Variants in NCKAP1 observed in about 807,000 individuals in gnomAD.
NCKAP1 encodes the protein NCK associated protein 1.
In NCKAP1, 21 loss-of-function variants were observed where a neutral mutation model predicts 151.2. That is an observed-to-expected ratio of 0.14 (90% CI 0.10 to 0.20). The LOEUF is 0.20. NCKAP1 is among the 10% of genes least tolerant of loss of function. The pLI is 1.00. For synonymous variants in NCKAP1, 484 were observed against 451.8 expected, an observed-to-expected ratio of 1.07 and a Z score of -0.90; for missense variants, 933 against 1,352.1, an observed-to-expected ratio of 0.69 and a Z score of 4.86.
chr2:182,931,350 C>T (rs1400728244), intron 26 of NCKAP1, among the ~76,000 whole-genome samples: 1 of 151,912 alleles, frequency 6.6e-6, no homozygotes, highest in African/African-American at 2.4e-5. Flanking sequence ...GCTCAATAAC[C>T]TCAGAAGAAA....
intron 16 of NCKAP1, among the ~76,000 whole-genome samples, chr2:182,966,232 T>G (rs1379769418): frequency 1.3e-5 from 2 of 151,974 alleles, no homozygotes; most frequent in African/African-American, 4.8e-5. Context: ...AAAATAGAGT[T>G]GATATTATAT....
rs1349939635 is a variant in NCKAP1 at position 182,909,199 on chromosome 2, C to T, written c.*16503G>A. On this transcript the variant is annotated 3_prime_UTR_variant, in exon 31 of 31. Transcript: ENST00000361354. ...TTGATCTGGAAATAGGTTCAATACA[C>T]ATTATATCAAATTTACCGTTTCAAC... 3 of 152,170 alleles carry T rather than the reference C, an allele frequency of 2.0e-5. No individual in the cohort carries two copies. The East Asian group carries it at 5.8e-4, about 29-fold the overall frequency. The allele number at this position is 152,170 out of a possible 1,614,324, so 9.4% of individuals were successfully genotyped here.
At chr2:183,004,667 T>C (rs1173779407) in intron 2 of NCKAP1, among the ~76,000 whole-genome samples, 1 of 151,996 alleles carries the variant, frequency 6.6e-6, no homozygotes, top group African/African-American at 2.4e-5. Context: ...GTGGATCACC[T>C]GAGGTCAGCA....
intron 24 of NCKAP1, among the ~76,000 whole-genome samples, chr2:182,936,861 T>C (rs556440978): frequency 2.6e-5 from 4 of 152,174 alleles, no homozygotes; most frequent in South Asian, 2.1e-4. Context: ...TAATTCAAGA[T>C]GAGACTAGGT....
chr2:182,988,712 T>A (rs1051154616), intron 9 of NCKAP1, among the ~76,000 whole-genome samples: 3 of 152,170 alleles, frequency 2.0e-5, no homozygotes. Context: ...ATTTTAAACC[T>A]CTAAAATGTA....
At position 182,935,207 on chromosome 2, in the gene NCKAP1, C is replaced by A. The variant is rs1194075415; in HGVS notation, c.2778+86G>T. ...GAATTTTAATTATATCATTGCTAAGCATGAATCTGAAACTTAACTTTAAAT... is the reference window on the plus strand; with the variant it reads ...GAATTTTAATTATATCATTGCTAAGAATGAATCTGAAACTTAACTTTAAAT... On this transcript the variant is annotated intron_variant, in intron 25 of 30. Coordinates refer to ENST00000361354, the MANE Select transcript of NCKAP1 (RefSeq NM_013436.5). 1.1e-5 allele frequency: 10 copies of A among 906,596 alleles called. No individual in the cohort carries two copies. In the Admixed American group the frequency reaches 2.7e-4, roughly 25 times the overall value. The allele number at this position is 906,596 out of a possible 1,614,324, so 56.2% of individuals were successfully genotyped here. A position where few individuals can be genotyped will look rare whatever the true frequency, so the allele number is the denominator to read the frequency against.
intron 17 of NCKAP1, among the ~76,000 whole-genome samples, 187 bp downstream of exon 17, chr2:182,964,489 T>G (rs1575034401): frequency 1.3e-5 from 2 of 152,192 alleles, no homozygotes; most frequent in South Asian, 4.1e-4. Flanking sequence ...CTTATTATAC[T>G]TATGTTTATT....
intron 2 of NCKAP1, among the ~76,000 whole-genome samples, chr2:183,015,196 T>C (rs1346569375): frequency 1.3e-5 from 2 of 152,076 alleles, no homozygotes; most frequent in Non-Finnish European, 2.9e-5. Context: ...AAACCACAGG[T>C]AATTATATAA....
intron 6 of NCKAP1, among the ~76,000 whole-genome samples, chr2:182,996,614 C>T (rs1349898725): frequency 6.6e-6 from 1 of 152,194 alleles, no homozygotes; most frequent in Non-Finnish European, 1.5e-5. Flanking sequence ...CCCGCCACCA[C>T]GCTCAGCTAA....
At position 183,037,954 on chromosome 2, in the gene NCKAP1, CGCCCGCCTCCGCCGCGGCCTCCCCG is replaced by C. The variant is rs1699137950; in HGVS notation, c.108+13_108+37del. 3 of 1,521,472 alleles carry C rather than the reference CGCCCGCCTCCGCCGCGGCCTCCCCG, an allele frequency of 2.0e-6. No individual in the cohort carries two copies. Among genetic ancestry groups the C allele is most frequent in the Non-Finnish European group, 2.6e-6 (3 of 1,132,146 alleles). The allele number at this position is 1,521,472 out of a possible 1,614,324, so 94.2% of individuals were successfully genotyped here. ...CCTTGCCCTTCATCCCTCCCGGGCC[CGCCCGCCTCCGCCGCGGCCTCCCCG>C]GCCCGTGCGCACCTTCTTGATGTTG... On this transcript the variant is annotated intron_variant, in intron 1 of 30. Transcript: ENST00000361354.
intron 24 of NCKAP1, among the ~76,000 whole-genome samples, chr2:182,936,958 T>C (rs977857621): frequency 2.6e-5 from 4 of 151,296 alleles, no homozygotes; most frequent in Admixed American, 6.6e-5. Flanking sequence ...CTACTAAACA[T>C]ACAAAAATTA....
intron 23 of NCKAP1, chr2:182,947,223 G>A (rs1697126103): frequency 6.6e-6 from 1 of 152,212 alleles, no homozygotes; most frequent in Admixed American, 6.5e-5. Flanking sequence ...GGATTGAGAT[G>A]CCTTAGATAA....
rs920237005 is a variant in NCKAP1 at position 182,919,581 on chromosome 2, T to C, written c.*6121A>G. ...CTTGGAGTGAAACTCATGTGTTTTATACATTGAATGCTATCAGTTCAAGGG... is the reference window on the plus strand; with the variant it reads ...CTTGGAGTGAAACTCATGTGTTTTACACATTGAATGCTATCAGTTCAAGGG... On this transcript the variant is annotated 3_prime_UTR_variant, in exon 31 of 31. Coordinates refer to ENST00000361354, the MANE Select transcript of NCKAP1 (RefSeq NM_013436.5). The C allele has an allele frequency of 6.6e-6, 1 of 152,116 alleles. No individual in the cohort carries two copies. Among genetic ancestry groups the C allele is most frequent in the Non-Finnish European group, 1.5e-5 (1 of 68,026 alleles). 9.4% of individuals were successfully genotyped at this position (152,116 alleles called of 1,614,324 possible).
At chr2:182,968,238 A>G (rs1697616076) in intron 15 of NCKAP1, among the ~76,000 whole-genome samples, 1 of 152,206 alleles carries the variant, frequency 6.6e-6, no homozygotes, top group East Asian at 1.9e-4. Context: ...CTGGGAAGGG[A>G]AAGGAAGCAG....
chr2:182,949,228 T>C (rs1391234929), intron 23 of NCKAP1, among the ~76,000 whole-genome samples: 4 of 152,148 alleles, frequency 2.6e-5, no homozygotes, highest in Non-Finnish European at 4.4e-5. Flanking sequence ...AAATGCAACA[T>C]GTGCTCCTTC....
At chr2:183,013,034 A>G (rs1698618301) in intron 2 of NCKAP1, among the ~76,000 whole-genome samples, 1 of 152,116 alleles carries the variant, frequency 6.6e-6, no homozygotes, top group Non-Finnish European at 1.5e-5. Flanking sequence ...GCAGAAAAGC[A>G]TATACTTTGC....
chr2:182,962,426 G>GT (rs1697474879), intron 17 of NCKAP1, 148 bp from the exon 18 acceptor site: 2 of 631,622 alleles, frequency 3.2e-6, no homozygotes, highest in Non-Finnish European at 5.1e-6. Context: ...TTTGCCTCTT[G>GT]TAACAACTAA....
At chr2:183,016,774 C>T (rs552764476) in intron 2 of NCKAP1, among the ~76,000 whole-genome samples, 1 of 152,162 alleles carries the variant, frequency 6.6e-6, no homozygotes, top group South Asian at 2.1e-4. Context: ...TTTTGTTCTG[C>T]TTCCCCTGGT....
chr2:182,929,087 T>G (rs942108560), intron 27 of NCKAP1, among the ~76,000 whole-genome samples, 188 bp from the exon 28 acceptor site: 1 of 151,886 alleles, frequency 6.6e-6, no homozygotes, highest in African/African-American at 2.4e-5. Flanking sequence ...TAGAAACAGT[T>G]TATATTACAA....
Sources: allele counts gnomAD v4.1 joint callset (sites outside exome capture counted in the v4.1 genomes callset), GRCh38; gene constraint gnomAD v4.1.1; transcripts MANE v1.5; gene names NCBI Gene and HGNC (gene_info 2026-07-23, HGNC 2026-07-21).